TENM1: variants seen among roughly 807,000 people sequenced by gnomAD.
The protein encoded by TENM1 is teneurin-1.
TENM1 carries 35 observed loss-of-function variants against 174.8 expected under a neutral mutation model. The observed-to-expected ratio is 0.20, with a 90% CI of 0.15 to 0.27. TENM1 has a LOEUF of 0.27. Ranked by LOEUF, TENM1 falls within the 10% of genes least tolerant of loss-of-function variation. TENM1 has a pLI of 1.00. For synonymous variants in TENM1, 781 were observed against 798.7 expected (o/e 0.98, Z 0.37); for missense variants, 1,633 against 2,130.1 (o/e 0.77, Z 4.59).
In TENM1 at chrX:124,540,317, T is replaced by C. The variant is rs28490271; in HGVS notation, c.2651+6557A>G. Among the ~76,000 whole-genome samples the C allele has an allele frequency of 8.1e-3, 905 of 112,192 alleles. 10 individuals carry two copies. The highest frequency in any genetic ancestry group is 0.027 in the African/African-American group (826 of 30,907). On this transcript the variant is annotated intron_variant, in intron 15 of 31. Coordinates refer to ENST00000422452, the Ensembl canonical transcript of TENM1. ...ATTGATATTAGGGTATTATATTACA[T>C]TAAGAATGGCAGAAGAATCTGGTAT...
At chrX:125,200,397 G>T in the TENM1 span, among the ~76,000 whole-genome samples, 2 of 110,740 alleles carry the variant, frequency 1.8e-5, no homozygotes, top group African/African-American at 6.6e-5. Context: ...TATGCTGTTG[G>T]TCACAATTGC....
the TENM1 span, among the ~76,000 whole-genome samples, chrX:124,999,495 G>C: frequency 9.0e-6 from 1 of 111,092 alleles, no homozygotes; most frequent in Admixed American, 9.6e-5. Context: ...ACTTGACAAA[G>C]AGTCTAATTC....
chrX:124,542,521 C>T (rs1047340976), intron 15 of TENM1, among the ~76,000 whole-genome samples: 1 of 110,278 alleles, frequency 9.1e-6, no homozygotes, highest in Admixed American at 9.7e-5. Flanking sequence ...GTAGGCATTC[C>T]ACCAGAGTGG....
chrX:124,584,100 G>A (rs2049416673), intron 11 of TENM1, among the ~76,000 whole-genome samples: 1 of 110,431 alleles, frequency 9.1e-6, no homozygotes, highest in Non-Finnish European at 1.9e-5. Flanking sequence ...AACCAAGTTG[G>A]AAAATGCTCT....
At chrX:124,585,186 T>C (rs560280130) in intron 11 of TENM1, among the ~76,000 whole-genome samples, 9 of 110,873 alleles carry the variant, frequency 8.1e-5, no homozygotes, top group East Asian at 5.7e-4. Context: ...CCAAGCAGAC[T>C]TAATAGACAT....
chrX:125,135,164 T>A, the TENM1 span, among the ~76,000 whole-genome samples: 1 of 97,070 alleles, frequency 1.0e-5, no homozygotes, highest in African/African-American at 4.2e-5. Flanking sequence ...GGTTGCAAAA[T>A]GTTTTTTTAT....
chrX:124,882,803 T>G (rs1458886600), intron 3 of TENM1, among the ~76,000 whole-genome samples: 1 of 111,918 alleles, frequency 8.9e-6, no homozygotes, highest in African/African-American at 3.3e-5. Flanking sequence ...ATTGGTAGTT[T>G]GACAGGAACA....
chrX:125,182,606 C>A, the TENM1 span, among the ~76,000 whole-genome samples: 2 of 110,934 alleles, frequency 1.8e-5, no homozygotes, highest in Non-Finnish European at 3.8e-5. Flanking sequence ...CAAGTAAATT[C>A]ATAGAAACTC....
chrX:125,051,605 A>G, the TENM1 span, among the ~76,000 whole-genome samples: 1 of 108,109 alleles, frequency 9.2e-6, no homozygotes, highest in African/African-American at 3.4e-5. Context: ...AGGATTCCCT[A>G]TTTAATAAAT....
chrX:125,155,008 C>T, the TENM1 span, among the ~76,000 whole-genome samples: 2 of 111,683 alleles, frequency 1.8e-5, no homozygotes, highest in East Asian at 2.8e-4. Flanking sequence ...GGGACCCAAG[C>T]GGGTTGCCAC....
At chrX:125,145,338 T>A in the TENM1 span, among the ~76,000 whole-genome samples, 1 of 112,061 alleles carries the variant, frequency 8.9e-6, no homozygotes, top group South Asian at 3.7e-4. Context: ...AATTAGGACA[T>A]CACTACAAAT....
intron 1 of TENM1, among the ~76,000 whole-genome samples, chrX:124,958,491 G>A (rs1002450282): frequency 4.5e-5 from 5 of 111,532 alleles, no homozygotes; most frequent in African/African-American, 1.6e-4. Flanking sequence ...CTTGGTCACT[G>A]GAGGCTGGCA....
chrX:125,089,730 G>C, the TENM1 span, among the ~76,000 whole-genome samples: 1 of 111,694 alleles, frequency 9.0e-6, no homozygotes, highest in African/African-American at 3.3e-5. Context: ...AAGGGAGTAA[G>C]TTGAATCAAC....
At position 124,444,462 on chromosome X, in the gene TENM1, C is replaced by T. The variant is rs374843560; in HGVS notation, c.4104+8875G>A. 2.7e-5 allele frequency among the ~76,000 whole-genome samples: 3 copies of T among 111,965 alleles called. No homozygotes were observed. The South Asian group carries it at 1.1e-3, about 42-fold the overall frequency. ...TTAGCTGTGGTTCTTTAATCTGTGC[C>T]CTTTATTTCTTTAGCATTTTGCAAA... is the stretch of plus-strand genomic sequence containing the variant. On this transcript the variant is annotated intron_variant, in intron 23 of 31. Coordinates refer to ENST00000422452, the Ensembl canonical transcript of TENM1.
chrX:124,533,047 C>G (rs1458069697), intron 15 of TENM1, among the ~76,000 whole-genome samples: 1 of 111,958 alleles, frequency 8.9e-6, no homozygotes, highest in Non-Finnish European at 1.9e-5. Flanking sequence ...GAAAAATCTA[C>G]CTCTTAGGCA....
At chrX:124,833,429 G>C (rs2056330408) in intron 3 of TENM1, among the ~76,000 whole-genome samples, 1 of 111,698 alleles carries the variant, frequency 9.0e-6, no homozygotes, top group South Asian at 3.8e-4. Context: ...TTCAGCTTTA[G>C]CATCCTATGA....
chrX:124,893,787 A>G (rs1011235252), intron 3 of TENM1, among the ~76,000 whole-genome samples: 1 of 105,631 alleles, frequency 9.5e-6, no homozygotes, highest in Non-Finnish European at 1.9e-5. Flanking sequence ...AAGAGAATGA[A>G]CATTTTTTTT....
intron 11 of TENM1, among the ~76,000 whole-genome samples, chrX:124,631,508 T>C (rs1447751005): frequency 9.0e-6 from 1 of 110,871 alleles, no homozygotes; most frequent in Non-Finnish European, 1.9e-5. Context: ...AGGGGGAAAA[T>C]CAAGATTCAA....
At chrX:124,857,044 A>G (rs751206090) in intron 3 of TENM1, among the ~76,000 whole-genome samples, 8 of 111,188 alleles carry the variant, frequency 7.2e-5, no homozygotes, top group African/African-American at 2.6e-4. Flanking sequence ...TTGTGATGAA[A>G]AATGTATTTC....
Sources: allele counts gnomAD v4.1 joint callset (sites outside exome capture counted in the v4.1 genomes callset), GRCh38; gene constraint gnomAD v4.1.1; transcripts MANE v1.5; gene names NCBI Gene and HGNC (gene_info 2026-07-23, HGNC 2026-07-21).